Variants in GPC5 observed in about 807,000 individuals in gnomAD.
The protein encoded by GPC5 is glypican 5.
In GPC5, 47 loss-of-function variants were observed where a neutral mutation model predicts 53.9. The ratio of observed to expected loss-of-function variants is 0.87; its 90% CI spans 0.69 to 1.11. GPC5 has a LOEUF of 1.11. GPC5 is among the 50% of genes most tolerant of loss of function. The probability of loss-of-function intolerance (pLI) is 0.00; values close to 1 mark genes in which losing one functional copy is unlikely to be tolerated. For missense variants in GPC5, 748 were observed against 713.1 expected, an observed-to-expected ratio of 1.05 and a Z score of -0.56; for synonymous variants, 286 against 263.3, an observed-to-expected ratio of 1.09 and a Z score of -0.84.
intron 6 of GPC5, among the ~76,000 whole-genome samples, chr13:92,031,682 T>TA (rs1275201963): frequency 2.6e-5 from 2 of 77,160 alleles, no homozygotes; most frequent in Non-Finnish European, 4.4e-5. Context: ...ATATAATATA[T>TA]ATATAGTATA....
intron 3 of GPC5, among the ~76,000 whole-genome samples, chr13:91,721,355 G>A (rs1404673833): frequency 2.6e-5 from 4 of 152,118 alleles, no homozygotes; most frequent in African/African-American, 9.6e-5. Context: ...GGCTGGTGTC[G>A]AACTCCTGAC....
intron 7 of GPC5, among the ~76,000 whole-genome samples, chr13:92,513,905 T>C (rs1413900498): frequency 6.6e-6 from 1 of 152,176 alleles, no homozygotes; most frequent in Non-Finnish European, 1.5e-5. Flanking sequence ...TTTCTACTTG[T>C]GGCATCATGT....
intron 6 of GPC5, among the ~76,000 whole-genome samples, chr13:91,984,707 G>T (rs577513746): frequency 5.7e-4 from 87 of 152,224 alleles, no homozygotes; most frequent in African/African-American, 1.9e-3. Flanking sequence ...CTTTTGTAAA[G>T]TGTTAGTTTA....
intron 7 of GPC5, among the ~76,000 whole-genome samples, chr13:92,534,704 AAGT>A (rs1231432095): frequency 8.5e-5 from 13 of 152,198 alleles, no homozygotes; most frequent in African/African-American, 3.1e-4. Flanking sequence ...AAAAGCTTAC[AAGT>A]AGTAGAGGAA....
At chr13:91,908,131 A>G in intron 6 of GPC5, 74 bp downstream of exon 6, 1 of 1,190,930 alleles carries the variant, frequency 8.4e-7, no homozygotes, top group Non-Finnish European at 1.1e-6. Flanking sequence ...TATATTTGAT[A>G]AATTTGTTAA....
At chr13:92,335,467 G>A (rs1466994592) in intron 7 of GPC5, among the ~76,000 whole-genome samples, 1 of 152,052 alleles carries the variant, frequency 6.6e-6, no homozygotes, top group Non-Finnish European at 1.5e-5. Context: ...CTCTGACATG[G>A]CCTGCAGACA....
intron 7 of GPC5, among the ~76,000 whole-genome samples, chr13:92,705,128 T>C (rs1433947458): frequency 6.6e-6 from 1 of 152,012 alleles, no homozygotes; most frequent in African/African-American, 2.4e-5. Flanking sequence ...GTGACATATC[T>C]CTAGTGGTCA....
chr13:92,802,979 A>G (rs1876963174), intron 7 of GPC5, among the ~76,000 whole-genome samples: 1 of 151,912 alleles, frequency 6.6e-6, no homozygotes, highest in Non-Finnish European at 1.5e-5. Flanking sequence ...TTGGAACCTG[A>G]AGCTAATGAT....
intron 7 of GPC5, among the ~76,000 whole-genome samples, chr13:92,233,989 C>T (rs1247551724): frequency 2.0e-5 from 3 of 152,190 alleles, no homozygotes; most frequent in South Asian, 2.1e-4. Flanking sequence ...GACATGAACT[C>T]GTCATTTTTT....
At chr13:92,248,853 T>C (rs890910431) in intron 7 of GPC5, among the ~76,000 whole-genome samples, 31 of 152,226 alleles carry the variant, frequency 2.0e-4, no homozygotes, top group African/African-American at 7.5e-4. Flanking sequence ...TTTTCACTTC[T>C]GTTTATTGAC....
At chr13:91,463,320 T>C in intron 2 of GPC5, among the ~76,000 whole-genome samples, 1 of 152,124 alleles carries the variant, frequency 6.6e-6, no homozygotes, top group Non-Finnish European at 1.5e-5. Flanking sequence ...TTTCTGAATA[T>C]TTTCAGTACA....
At chr13:92,536,790 T>A (rs1881738433) in intron 7 of GPC5, among the ~76,000 whole-genome samples, 1 of 152,066 alleles carries the variant, frequency 6.6e-6, no homozygotes, top group African/African-American at 2.4e-5. Context: ...ACCATAAAAT[T>A]GTATATGTAT....
At chr13:92,475,660 A>G (rs1012661447) in intron 7 of GPC5, among the ~76,000 whole-genome samples, 3 of 152,160 alleles carry the variant, frequency 2.0e-5, no homozygotes, top group African/African-American at 7.2e-5. Context: ...CAGTAACCAA[A>G]ACAGCATGGT....
chr13:92,596,952 G>A (rs1883901585), intron 7 of GPC5, among the ~76,000 whole-genome samples: 2 of 152,180 alleles, frequency 1.3e-5, no homozygotes, highest in African/African-American at 4.8e-5. Flanking sequence ...CAGCCCTGAA[G>A]GTGACCAGCA....
At chr13:92,281,975 A>T (rs190874283) in intron 7 of GPC5, among the ~76,000 whole-genome samples, 2,986 of 152,114 alleles carry the variant, frequency 0.02, 92 homozygotes, top group African/African-American at 0.068. Context: ...TTCAATCCCA[A>T]CACAAAGAAG....
intron 6 of GPC5, among the ~76,000 whole-genome samples, chr13:92,018,035 C>T (rs1356007485): frequency 2.0e-5 from 3 of 151,972 alleles, no homozygotes; most frequent in Admixed American, 1.3e-4. Flanking sequence ...CACACACACA[C>T]AAGCTTCCAC....
chr13:92,438,127 C>T (rs569090986), intron 7 of GPC5, among the ~76,000 whole-genome samples: 125 of 151,892 alleles, frequency 8.2e-4, no homozygotes, highest in Non-Finnish European at 1.5e-3. Flanking sequence ...TTATGCCTAC[C>T]GATGTGTTTA....
chr13:92,579,298 TCTCCCTCCCTCCCTCC>T (rs869169116), intron 7 of GPC5, among the ~76,000 whole-genome samples: 3 of 61,630 alleles, frequency 4.9e-5, no homozygotes, highest in Non-Finnish European at 8.1e-5. Flanking sequence ...TCTCTCTCTC[TCTCCCTCCCTCCCTCC>T]CTCCCTCCCT....
chr13:92,573,995 A>G (rs1207955352), intron 7 of GPC5, among the ~76,000 whole-genome samples: 1 of 152,098 alleles, frequency 6.6e-6, no homozygotes, highest in Non-Finnish European at 1.5e-5. Flanking sequence ...AACCTCCAAC[A>G]AGGCCTGAAC....
Sources: allele counts gnomAD v4.1 joint callset (sites outside exome capture counted in the v4.1 genomes callset), GRCh38; gene constraint gnomAD v4.1.1; transcripts MANE v1.5; gene names NCBI Gene and HGNC (gene_info 2026-07-23, HGNC 2026-07-21).